The following TTC29 variants were observed in gnomAD, a reference collection of about 807,000 sequenced individuals.
The protein encoded by TTC29 is tetratricopeptide repeat protein 29.
Under a neutral mutation model 58.1 loss-of-function variants are expected in TTC29, and 49 were observed. The observed-to-expected ratio is 0.84, with a 90% confidence interval of 0.67 to 1.07. The LOEUF is 1.07. TTC29 is among the 50% of genes least tolerant of loss of function. The pLI is 0.00. For synonymous variants in TTC29, 209 were observed against 196.8 expected, an observed-to-expected ratio of 1.06 and a Z score of -0.52; for missense variants, 582 against 555.6, an observed-to-expected ratio of 1.05 and a Z score of -0.48.
intron 6 of TTC29, among the ~76,000 whole-genome samples, chr4:146,892,707 T>C (rs894602455): frequency 6.6e-6 from 1 of 152,120 alleles, no homozygotes; most frequent in African/African-American, 2.4e-5. Flanking sequence ...GAGAAGGAAA[T>C]AAACGATATT....
At chr4:146,712,917 A>G (rs1408791064) in intron 11 of TTC29, among the ~76,000 whole-genome samples, 1 of 152,076 alleles carries the variant, frequency 6.6e-6, no homozygotes, top group Non-Finnish European at 1.5e-5. Context: ...AGAGTGTCAC[A>G]GTTGTCAGAA....
At chr4:146,902,743 G>A (rs151053784) in intron 6 of TTC29, among the ~76,000 whole-genome samples, 5 of 152,170 alleles carry the variant, frequency 3.3e-5, no homozygotes, top group East Asian at 1.9e-4. Context: ...ATGTTCAGGC[G>A]CCTTGCGAGC....
Position 146,903,943 on chromosome 4 carries a change from G to C in TTC29, c.401-214C>G, listed in dbSNP as rs140446218. Among the ~76,000 whole-genome samples, 240 of 152,180 alleles carry C rather than the reference G, an allele frequency of 1.6e-3. 1 individual carries two copies. Among genetic ancestry groups the C allele is most frequent in the African/African-American group, 5.4e-3 (226 of 41,530 alleles). ...GTGCAGATGAGTAAAGCAACAAAAG[G>C]CTTTCTGAAAACTTAGAACATGTAG... On this transcript the variant is annotated intron_variant, in intron 5 of 12. Coordinates refer to ENST00000325106, the MANE Select transcript of TTC29 (RefSeq NM_031956.4).
intron 11 of TTC29, among the ~76,000 whole-genome samples, chr4:146,770,500 C>T (rs1747651601): frequency 6.6e-6 from 1 of 151,742 alleles, no homozygotes; most frequent in South Asian, 2.1e-4. Context: ...CCTGTAATGT[C>T]TTTGACTTAA....
At chr4:146,729,436 T>C (rs1410287458) in intron 11 of TTC29, among the ~76,000 whole-genome samples, 3 of 152,182 alleles carry the variant, frequency 2.0e-5, no homozygotes, top group Non-Finnish European at 4.4e-5. Flanking sequence ...TCCGAGTTCA[T>C]TTTTATCTTT....
At chr4:146,858,816 A>G (rs1730042557) in intron 8 of TTC29, among the ~76,000 whole-genome samples, 1 of 152,184 alleles carries the variant, frequency 6.6e-6, no homozygotes, top group African/African-American at 2.4e-5. Flanking sequence ...GTTCAATGTC[A>G]CATGGTGAGG....
At chr4:146,835,403 G>A (rs1728441206) in intron 8 of TTC29, among the ~76,000 whole-genome samples, 1 of 151,968 alleles carries the variant, frequency 6.6e-6, no homozygotes, top group African/African-American at 2.4e-5. Flanking sequence ...GAGATCTTTT[G>A]GAATCCTAAT....
intron 11 of TTC29, among the ~76,000 whole-genome samples, chr4:146,750,642 T>C (rs1745911723): frequency 6.6e-6 from 1 of 152,214 alleles, no homozygotes; most frequent in South Asian, 2.1e-4. Flanking sequence ...AGAGGTTAAA[T>C]TATTATCGGC....
intron 11 of TTC29, among the ~76,000 whole-genome samples, chr4:146,730,582 C>A (rs1424234278): frequency 1.2e-4 from 19 of 152,194 alleles, no homozygotes; most frequent in African/African-American, 3.9e-4. Flanking sequence ...TGAAGTGGAA[C>A]CAGCAGGGGA....
intron 8 of TTC29, among the ~76,000 whole-genome samples, chr4:146,834,880 A>G (rs1356554616): frequency 6.6e-6 from 1 of 152,144 alleles, no homozygotes; most frequent in Non-Finnish European, 1.5e-5. Flanking sequence ...CTATTGCGAC[A>G]CTTCAAAAAA....
intron 8 of TTC29, among the ~76,000 whole-genome samples, chr4:146,860,599 A>G (rs898589032): frequency 6.6e-6 from 1 of 152,112 alleles, no homozygotes; most frequent in African/African-American, 2.4e-5. Flanking sequence ...GATACTCTCA[A>G]TGATTCATGT....
At chr4:146,921,715 GA>G (rs1021739923) in intron 4 of TTC29, among the ~76,000 whole-genome samples, 2 of 150,836 alleles carry the variant, frequency 1.3e-5, no homozygotes, top group Non-Finnish European at 3.0e-5. Flanking sequence ...ATTTTTTTCA[GA>G]AACTTACAGA....
rs1385908866 is a variant in TTC29, at chr4:146,707,482, T to G, written c.1397+3A>C. On this transcript the variant is annotated splice_donor_region_variant and intron_variant, in intron 12 of 12. Coordinates refer to ENST00000325106, the MANE Select transcript of TTC29 (RefSeq NM_031956.4). Reference sequence around the variant, plus strand: ...TAGAAACTTTTTACTTGATTTATCATACCTACTGAGTTCTTCCAAACGTTC... The same window carrying G: ...TAGAAACTTTTTACTTGATTTATCAGACCTACTGAGTTCTTCCAAACGTTC... 1 of 1,607,550 alleles carries G rather than the reference T, an allele frequency of 6.2e-7. No individual in the cohort carries two copies. The highest frequency in any genetic ancestry group is 1.7e-5 in the Admixed American group (1 of 59,766).
chr4:146,753,135 T>A (rs910268959), intron 11 of TTC29, among the ~76,000 whole-genome samples: 5 of 151,686 alleles, frequency 3.3e-5, no homozygotes, highest in East Asian at 1.9e-4. Flanking sequence ...TGGGAGAAAA[T>A]TTTTGCAACC....
intron 6 of TTC29, among the ~76,000 whole-genome samples, chr4:146,897,473 G>A (rs777449429): frequency 1.3e-5 from 2 of 152,050 alleles, no homozygotes; most frequent in African/African-American, 4.8e-5. Flanking sequence ...CTATTTGTAT[G>A]CCATGCCCTA....
At chr4:146,765,922 G>A (rs528069216) in intron 11 of TTC29, among the ~76,000 whole-genome samples, 179 of 152,132 alleles carry the variant, frequency 1.2e-3, no homozygotes, top group South Asian at 3.7e-3. Context: ...ACTGTTGTTC[G>A]GAATATATGG....
intron 4 of TTC29, among the ~76,000 whole-genome samples, 158 bp downstream of exon 4, chr4:146,937,436 C>A (rs1333869837): frequency 6.6e-6 from 1 of 151,832 alleles, no homozygotes; most frequent in African/African-American, 2.4e-5. Flanking sequence ...TGTGTGAGAT[C>A]AATAGACATG....
At chr4:146,849,121 T>G (rs1561185922) in intron 8 of TTC29, among the ~76,000 whole-genome samples, 1 of 152,164 alleles carries the variant, frequency 6.6e-6, no homozygotes, top group African/African-American at 2.4e-5. Flanking sequence ...TGTGGCTTGG[T>G]GCTTGTCACT....
chr4:146,875,036 A>C, intron 6 of TTC29, 108 bp from the exon 7 acceptor site: 1 of 783,648 alleles, frequency 1.3e-6, no homozygotes, highest in Non-Finnish European at 2.0e-6. Context: ...ACCGAGGATT[A>C]TGGTGAAGGA....
Sources: gnomAD v4.1 joint callset for allele counts (sites outside exome capture counted in the v4.1 genomes callset) on GRCh38, gnomAD v4.1.1 for gene constraint, MANE v1.5 for transcripts, NCBI Gene and HGNC (gene_info 2026-07-23, HGNC 2026-07-21) for gene names.